HSD11B1: variants seen among roughly 807,000 people sequenced by gnomAD.
HSD11B1 encodes the protein hydroxysteroid 11-beta dehydrogenase 1, also known as 11-beta-hydroxysteroid dehydrogenase 1.
HSD11B1 carries 15 observed loss-of-function variants against 22.1 expected under a neutral mutation model. The ratio of observed to expected loss-of-function variants is 0.68; its 90% CI spans 0.45 to 1.04. HSD11B1 has a LOEUF of 1.04. HSD11B1 is among the 50% of genes least tolerant of loss of function. The pLI, the probability that HSD11B1 is intolerant of heterozygous loss-of-function variation, is 0.00. For missense variants in HSD11B1, 281 were observed against 357.6 expected, an observed-to-expected ratio of 0.79 and a Z score of 1.73; for synonymous variants, 122 against 125.2, an observed-to-expected ratio of 0.97 and a Z score of 0.17.
Position 209,709,937 on chromosome 1 carries a change from A to AACACACACACAC in HSD11B1, c.517+2835_517+2846dup, listed in dbSNP as rs71143893. Reference sequence around the variant, plus strand: ...ACCCTCCAGGCCATCCCACATGTGAAACACACACACACACACACACACACA... The same window carrying AACACACACACAC: ...ACCCTCCAGGCCATCCCACATGTGAAACACACACACACACACACACACACACACACACACACA... On this transcript the variant is annotated intron_variant, in intron 4 of 5. Coordinates refer to ENST00000367027, the MANE Select transcript of HSD11B1 (RefSeq NM_005525.4). Among the ~76,000 whole-genome samples the AACACACACACAC allele has an allele frequency of 6.0e-4, 87 of 143,890 alleles. No individual in the cohort carries two copies. In the South Asian group the frequency reaches 8.1e-3, roughly 13 times the overall value. 94.4% of individuals were successfully genotyped at this position (143,890 alleles called of 152,430 possible).
At position 209,706,439 on chromosome 1, in the gene HSD11B1, T is replaced by C. The variant is rs2076859335; in HGVS notation, c.220-270T>C. On this transcript the variant is annotated intron_variant, in intron 2 of 5. Coordinates refer to ENST00000367027, the MANE Select transcript of HSD11B1 (RefSeq NM_005525.4). This position sits in a 1 kb window ranked among gnomAD's most constrained non-coding sequence, Gnocchi z 4.0. ...CTCATAATGCCCTCAGAAATGCCTA[T>C]TCACAGAAGCCATGAGCATAAATCA... is the stretch of plus-strand genomic sequence containing the variant. Among the ~76,000 whole-genome samples the C allele has an allele frequency of 6.6e-6, 1 of 152,140 alleles. No homozygotes were observed.
intron 1 of HSD11B1, among the ~76,000 whole-genome samples, chr1:209,690,140 A>AC (rs1407172333): frequency 1.3e-5 from 2 of 151,996 alleles, no homozygotes; most frequent in Non-Finnish European, 2.9e-5. Context: ...ACATAGAGAG[A>AC]CCCCAGTCTC....
At chr1:209,696,805 A>G (rs1395720722) in intron 1 of HSD11B1, among the ~76,000 whole-genome samples, 5 of 152,238 alleles carry the variant, frequency 3.3e-5, no homozygotes, top group African/African-American at 1.2e-4. Context: ...AGAAAAATCC[A>G]GCTGGTTATA....
intron 1 of HSD11B1, 98 bp downstream of exon 1, chr1:209,705,128 G>T: frequency 1.0e-6 from 1 of 995,658 alleles, no homozygotes; most frequent in South Asian, 1.3e-5. Context: ...GATCCTCAAA[G>T]TTGGTGAAAA....
intron 4 of HSD11B1, among the ~76,000 whole-genome samples, chr1:209,711,934 C>G (rs938971620): frequency 1.4e-4 from 21 of 152,060 alleles, no homozygotes; most frequent in African/African-American, 5.1e-4. Context: ...TAATGCTACC[C>G]GTAATCATTG....
chr1:209,702,501 G>C (rs568879685), upstream of HSD11B1, among the ~76,000 whole-genome samples: 15 of 152,300 alleles, frequency 9.8e-5, no homozygotes, highest in African/African-American at 3.6e-4. Flanking sequence ...TATGGTCAAA[G>C]TGTGGTCCCC....
In HSD11B1 at chr1:209,726,981, C is replaced by T. The variant is rs189915553; in HGVS notation, c.518-5455C>T. Among the ~76,000 whole-genome samples the T allele has an allele frequency of 5.3e-5, 8 of 152,246 alleles. No individual in the cohort carries two copies. The East Asian group carries it at 1.5e-3, about 29-fold the overall frequency. ...AGTGGGCTGAATGGTGGTCCTCCCCCAAAAGATATATCCACCTAGATCCTG... is the reference window on the plus strand; with the variant it reads ...AGTGGGCTGAATGGTGGTCCTCCCCTAAAAGATATATCCACCTAGATCCTG... On this transcript the variant is annotated intron_variant, in intron 4 of 5. Transcript: ENST00000367027.
Position 209,706,783 on chromosome 1 carries a change from CGCAGA to C in HSD11B1, c.298_302del (p.Glu100IlefsTer30), listed in dbSNP as rs1558190585. The C allele has an allele frequency of 6.2e-7, 1 of 1,614,116 alleles. No homozygotes were observed. Among genetic ancestry groups the C allele is most frequent in the Non-Finnish European group, 8.5e-7 (1 of 1,179,984 alleles). On this transcript the variant is annotated frameshift_variant, in exon 3 of 6. Transcript: ENST00000367027. LOFTEE classifies it high-confidence loss of function. The surrounding 1 kb of genome is among the most constrained non-coding windows in gnomAD (Gnocchi z 4.0). ...CTGGCACCATGGAAGACATGACCTT[CGCAGA>C]GCAATTTGTTGCCCAAGCAGGAAAG... is the stretch of plus-strand genomic sequence containing the variant.
chr1:209,688,435 T>G (rs556661157), intron 1 of HSD11B1, among the ~76,000 whole-genome samples: 2 of 152,332 alleles, frequency 1.3e-5, no homozygotes, highest in Non-Finnish European at 2.9e-5. Context: ...ACTTTCCTTG[T>G]GCTTGACTTC....
chr1:209,705,324 C>T (rs2076850436), intron 1 of HSD11B1, among the ~76,000 whole-genome samples: 1 of 132,282 alleles, frequency 7.6e-6, no homozygotes, highest in Admixed American at 8.5e-5. Context: ...CCCAAATTCA[C>T]AACTCAGCAG....
chr1:209,697,849 G>C (rs2076799888), intron 1 of HSD11B1, among the ~76,000 whole-genome samples: 1 of 125,908 alleles, frequency 7.9e-6, no homozygotes, highest in Non-Finnish European at 1.6e-5. Flanking sequence ...CCAAATTTCA[G>C]ATAAACAATG....
chr1:209,702,152 T>C (rs1299692867), upstream of HSD11B1, among the ~76,000 whole-genome samples: 1 of 152,236 alleles, frequency 6.6e-6, no homozygotes, highest in Non-Finnish European at 1.5e-5. Context: ...ACAGTTGTAT[T>C]TCATTTTGTC....
At chr1:209,691,789 T>C (rs1433622384) in intron 1 of HSD11B1, among the ~76,000 whole-genome samples, 1 of 152,198 alleles carries the variant, frequency 6.6e-6, no homozygotes, top group Non-Finnish European at 1.5e-5. Flanking sequence ...AATGGGTGTT[T>C]GTGTGTTGTA....
In HSD11B1 at chr1:209,721,536, C is replaced by A. The variant is rs181639528; in HGVS notation, c.518-10900C>A. On this transcript the variant is annotated intron_variant, in intron 4 of 5. Coordinates refer to ENST00000367027, the MANE Select transcript of HSD11B1 (RefSeq NM_005525.4). ...CTTGGAGGACATATGAAAGTGAATT[C>A]TGTGGGGCTTTTTCTGGGTTCTTCA... Among the ~76,000 whole-genome samples, 129 of 150,542 alleles carry A rather than the reference C, an allele frequency of 8.6e-4. 1 individual carries two copies. Among genetic ancestry groups the A allele is most frequent in the Admixed American group, 5.0e-3 (76 of 15,204 alleles).
rs141081664 is a variant in HSD11B1 at position 209,723,475 on chromosome 1, C to T, written c.518-8961C>T. On this transcript the variant is annotated intron_variant, in intron 4 of 5. Coordinates refer to ENST00000367027, the MANE Select transcript of HSD11B1 (RefSeq NM_005525.4). ...CCTGCCTGTTCAAACCTGTTCTGTG[C>T]GCAGGTCCTCCCTGAGCCTGGACAT... Among the ~76,000 whole-genome samples, 696 of 152,240 alleles carry T rather than the reference C, an allele frequency of 4.6e-3. 4 individuals are homozygous for T. The highest frequency in any genetic ancestry group is 0.016 in the African/African-American group (647 of 41,548).
At chr1:209,732,338 GGT>G in intron 4 of HSD11B1, 96 bp from the exon 5 acceptor site, 1 of 1,285,672 alleles carries the variant, frequency 7.8e-7, no homozygotes, top group African/African-American at 1.5e-5. Flanking sequence ...GACTCAAAGG[GGT>G]AAAAGGACAC....
At chr1:209,699,432 C>A (rs1344287261) in intron 1 of HSD11B1, among the ~76,000 whole-genome samples, 1 of 152,068 alleles carries the variant, frequency 6.6e-6, no homozygotes, top group East Asian at 1.9e-4. Flanking sequence ...GAGAAAGAAG[C>A]AAAAGCAGAA....
At chr1:209,725,629 G>A (rs1469946093) in intron 4 of HSD11B1, among the ~76,000 whole-genome samples, 3 of 152,118 alleles carry the variant, frequency 2.0e-5, no homozygotes, top group Admixed American at 2.0e-4. Context: ...TTTCTTTCAG[G>A]AGTTCCTAGA....
At chr1:209,727,823 T>C (rs1451321977) in intron 4 of HSD11B1, among the ~76,000 whole-genome samples, 1 of 152,368 alleles carries the variant, frequency 6.6e-6, no homozygotes, top group Admixed American at 6.5e-5. Flanking sequence ...TTTTGCAGAA[T>C]ACTTGTCTCC....
Sources: gnomAD v4.1 joint callset for allele counts (sites outside exome capture counted in the v4.1 genomes callset) on GRCh38, gnomAD v4.1.1 for gene constraint, Gnocchi (gnomAD v3.1) non-coding constraint, MANE v1.5 for transcripts, NCBI Gene and HGNC (gene_info 2026-07-23, HGNC 2026-07-21) for gene names.